The following NIPAL2 variants were observed in gnomAD, a reference collection of about 807,000 sequenced individuals.
NIPAL2 encodes NIPA like domain containing 2.
NIPAL2 carries 43 observed loss-of-function variants against 48.9 expected under a neutral mutation model. That is an observed-to-expected ratio of 0.88 (90% CI 0.69 to 1.13). The LOEUF (loss-of-function observed/expected upper bound fraction) is 1.13, where lower values mean the gene tolerates loss of function less well. Among genes scored for constraint, NIPAL2 ranks in the 50% most tolerant of loss-of-function variants. The pLI is 0.00. For missense variants in NIPAL2, 446 were observed against 461.4 expected (o/e 0.97, Z 0.31); for synonymous variants, 167 against 174.6 (o/e 0.96, Z 0.34).
chr8:98,287,993 T>C (rs1261902941), intron 1 of NIPAL2, among the ~76,000 whole-genome samples: 1 of 152,204 alleles, frequency 6.6e-6, no homozygotes, highest in Admixed American at 6.5e-5. Flanking sequence ...AGCATGCAAG[T>C]TGAATAGTCA....
chr8:98,225,957 C>T (rs574592397), intron 4 of NIPAL2, among the ~76,000 whole-genome samples: 11 of 151,946 alleles, frequency 7.2e-5, no homozygotes, highest in African/African-American at 2.2e-4. Context: ...TTTTCAAGCT[C>T]GCTAATTCTT....
chr8:98,217,896 C>T (rs969898041), intron 5 of NIPAL2, among the ~76,000 whole-genome samples: 47 of 152,130 alleles, frequency 3.1e-4, no homozygotes, highest in African/African-American at 8.2e-4. Context: ...ATTCCTGCTA[C>T]GGGAATTCCT....
chr8:98,258,895 C>G (rs1814076543), intron 1 of NIPAL2, among the ~76,000 whole-genome samples: 1 of 151,710 alleles, frequency 6.6e-6, no homozygotes. Context: ...TAATTAAGCG[C>G]CTTTAAATTC....
rs781555435 is a variant in NIPAL2, at chr8:98,194,835, T to C, written c.945-13A>G. 4 of 1,480,452 alleles carry C rather than the reference T, an allele frequency of 2.7e-6. No homozygotes were observed. The highest frequency in any genetic ancestry group is 2.7e-6 in the Non-Finnish European group (3 of 1,100,114). The allele number at this position is 1,480,452 out of a possible 1,614,324, so 91.7% of individuals were successfully genotyped here. A position where few individuals can be genotyped will look rare whatever the true frequency, so the allele number is the denominator to read the frequency against. ...TGACAGAAAACACCTGTAAGGATAA[T>C]ATTAATAAAGAATACAAGAACACTG... is the stretch of plus-strand genomic sequence containing the variant. On this transcript the variant is annotated splice_polypyrimidine_tract_variant and intron_variant, in intron 9 of 10. Coordinates refer to ENST00000430223, the MANE Select transcript of NIPAL2 (RefSeq NM_001321635.2).
intron 6 of NIPAL2, among the ~76,000 whole-genome samples, chr8:98,207,824 AC>A (rs1426331001): frequency 6.6e-6 from 1 of 152,230 alleles, no homozygotes; most frequent in African/African-American, 2.4e-5. Flanking sequence ...CCACTTAGGA[AC>A]CTATTTACCT....
chr8:98,233,340 ATGTGTGTGTGTG>A (rs59700892), intron 4 of NIPAL2, among the ~76,000 whole-genome samples: 1 of 149,726 alleles, frequency 6.7e-6, no homozygotes, highest in South Asian at 2.1e-4. Context: ...TGTTTTCTTG[ATGTGTGTGTGTG>A]TGTGTGTGTG....
chr8:98,198,867 T>A (rs1362239461), intron 8 of NIPAL2, among the ~76,000 whole-genome samples: 1 of 152,238 alleles, frequency 6.6e-6, no homozygotes, highest in Non-Finnish European at 1.5e-5. Flanking sequence ...ATATCAGTGA[T>A]AAGGTTGCTT....
chr8:98,198,269 A>G (rs1810645445), intron 8 of NIPAL2, among the ~76,000 whole-genome samples: 1 of 152,212 alleles, frequency 6.6e-6, no homozygotes, highest in East Asian at 1.9e-4. Flanking sequence ...CAGTGGGTTT[A>G]AAATATTCAG....
At position 98,224,975 on chromosome 8, in the gene NIPAL2, T is replaced by G. The variant is rs927102151; in HGVS notation, c.437-2375A>C. Among the ~76,000 whole-genome samples the G allele has an allele frequency of 2.0e-5, 3 of 152,112 alleles. No homozygotes were observed. In the South Asian group the frequency reaches 6.2e-4, roughly 32 times the overall value. On this transcript the variant is annotated intron_variant, in intron 4 of 10. Coordinates refer to ENST00000430223, the MANE Select transcript of NIPAL2 (RefSeq NM_001321635.2). ...TTTCACCATGGTGGCCAGGGTGGTC[T>G]CGAACTCTTGACATCAGGTGATCTG...
At chr8:98,202,692 T>C (rs570208794) in intron 8 of NIPAL2, among the ~76,000 whole-genome samples, 12 of 152,292 alleles carry the variant, frequency 7.9e-5, no homozygotes, top group African/African-American at 2.6e-4. Flanking sequence ...TGCAGAACCA[T>C]GAGGCAAATA....
intron 4 of NIPAL2, among the ~76,000 whole-genome samples, chr8:98,231,018 T>A (rs772474236): frequency 1.3e-5 from 2 of 152,216 alleles, no homozygotes; most frequent in Non-Finnish European, 2.9e-5. Context: ...AAGGGAAAGA[T>A]TGCAGTCTAA....
chr8:98,197,921 T>C (rs1810621175), intron 8 of NIPAL2, among the ~76,000 whole-genome samples: 1 of 152,248 alleles, frequency 6.6e-6, no homozygotes, highest in Non-Finnish European at 1.5e-5. Context: ...TCCAAACTCC[T>C]GTTAATGTGC....
rs1254859480 is a variant in NIPAL2, at chr8:98,190,011, G to A, written c.*2967C>T. On this transcript the variant is annotated 3_prime_UTR_variant, in exon 11 of 11. Coordinates refer to ENST00000430223, the MANE Select transcript of NIPAL2 (RefSeq NM_001321635.2). ...CAAAGCTGTTATAGACTTGGAATGT[G>A]GAATTGGAGAGGCTTTTCGAATGTA... 1 of 152,188 alleles carries A rather than the reference G, an allele frequency of 6.6e-6. No individual in the cohort carries two copies. Among genetic ancestry groups the A allele is most frequent in the Non-Finnish European group, 1.5e-5 (1 of 68,046 alleles). The allele number at this position is 152,188 out of a possible 1,614,324, so 9.4% of individuals were successfully genotyped here.
At chr8:98,212,622 A>T (rs969485856) in intron 5 of NIPAL2, 121 bp from the exon 6 acceptor site, 1 of 594,980 alleles carries the variant, frequency 1.7e-6, no homozygotes, top group Non-Finnish European at 3.0e-6. Flanking sequence ...TGAGGTTCCT[A>T]GGGATGACAC....
intron 3 of NIPAL2, among the ~76,000 whole-genome samples, chr8:98,245,234 G>C (rs960075614): frequency 1.3e-5 from 2 of 152,148 alleles, no homozygotes; most frequent in Non-Finnish European, 2.9e-5. Context: ...CACATCGAGC[G>C]TGCTCACAGG....
chr8:98,195,056 GC>G (rs1810482885), intron 9 of NIPAL2, among the ~76,000 whole-genome samples: 2 of 152,172 alleles, frequency 1.3e-5, no homozygotes, highest in Admixed American at 1.3e-4. Context: ...CCATCTGGGG[GC>G]TAACTCAGGC....
chr8:98,198,646 T>A (rs939260651), intron 8 of NIPAL2, among the ~76,000 whole-genome samples: 2 of 152,270 alleles, frequency 1.3e-5, no homozygotes, highest in Admixed American at 1.3e-4. Flanking sequence ...CAGCACTTGC[T>A]GCTTCATCTT....
At chr8:98,256,641 A>G (rs966031325) in intron 1 of NIPAL2, among the ~76,000 whole-genome samples, 2 of 151,666 alleles carry the variant, frequency 1.3e-5, no homozygotes, top group African/African-American at 2.4e-5. Context: ...TAAAAAAAAA[A>G]AGAGAAAAGA....
At chr8:98,243,018 G>T (rs1563516532) in intron 3 of NIPAL2, among the ~76,000 whole-genome samples, 3 of 152,322 alleles carry the variant, frequency 2.0e-5, no homozygotes, top group Admixed American at 6.5e-5. Flanking sequence ...TAGGAGTCAT[G>T]GGGGGCAGGG....
Sources: allele counts gnomAD v4.1 joint callset (sites outside exome capture counted in the v4.1 genomes callset), GRCh38; gene constraint gnomAD v4.1.1; transcripts MANE v1.5; gene names NCBI Gene and HGNC (gene_info 2026-07-23, HGNC 2026-07-21).